Variants in EXOC4 observed in about 807,000 individuals in gnomAD.
The protein encoded by EXOC4 is SEC8-like 1.
Under a neutral mutation model 107.2 loss-of-function variants are expected in EXOC4, and 71 were observed. That is an observed-to-expected ratio of 0.66 (90% confidence interval 0.55 to 0.81). EXOC4 has a LOEUF of 0.81. EXOC4 is among the 30% of genes least tolerant of loss of function. EXOC4 has a pLI of 0.00. For missense variants in EXOC4, 1,108 were observed against 1,189.6 expected, an observed-to-expected ratio of 0.93 and a Z score of 1.01; for synonymous variants, 456 against 441.2, an observed-to-expected ratio of 1.03 and a Z score of -0.42.
chr7:133,782,807 A>T (rs1277132003), intron 10 of EXOC4, among the ~76,000 whole-genome samples: 1 of 152,150 alleles, frequency 6.6e-6, no homozygotes, highest in Non-Finnish European at 1.5e-5. Context: ...GCAAAGGCGA[A>T]TGGTATTGTG....
intron 12 of EXOC4, among the ~76,000 whole-genome samples, chr7:133,900,951 C>T (rs918477584): frequency 5.9e-5 from 9 of 152,148 alleles, no homozygotes; most frequent in African/African-American, 2.2e-4. Flanking sequence ...CTCACTGCAG[C>T]CTCCGCCTCC....
At chr7:133,892,792 A>G (rs886886856) in intron 11 of EXOC4, among the ~76,000 whole-genome samples, 11 of 143,250 alleles carry the variant, frequency 7.7e-5, no homozygotes, top group African/African-American at 2.8e-4. Flanking sequence ...TCTGAGAGAT[A>G]GTTTGTTATA....
At chr7:133,375,204 A>G (rs1351296615) in intron 7 of EXOC4, among the ~76,000 whole-genome samples, 1 of 152,246 alleles carries the variant, frequency 6.6e-6, no homozygotes, top group Admixed American at 6.5e-5. Flanking sequence ...GGCTGTGTGC[A>G]GTGGCTCATT....
intron 9 of EXOC4, among the ~76,000 whole-genome samples, chr7:133,567,944 G>T (rs1800940015): frequency 6.6e-6 from 1 of 152,134 alleles, no homozygotes; most frequent in Non-Finnish European, 1.5e-5. Flanking sequence ...GAGTTATGGT[G>T]CAGATGTTCA....
chr7:133,915,296 T>C (rs936536651), intron 12 of EXOC4, among the ~76,000 whole-genome samples: 2 of 152,008 alleles, frequency 1.3e-5, no homozygotes, highest in Non-Finnish European at 2.9e-5. Context: ...TTAGGGAATA[T>C]ATAGTGGAAA....
Position 134,007,749 on chromosome 7 carries a change from C to T in EXOC4, c.2601C>T (p.Ile867=). 6.2e-7 allele frequency: 1 copy of T among 1,613,580 alleles called. No individual in the cohort carries two copies. Among genetic ancestry groups the T allele is most frequent in the Non-Finnish European group, 8.5e-7 (1 of 1,179,746 alleles). Residue 867 remains isoleucine, a synonymous_variant, in exon 17 of 18, where the codon ATC becomes ATT. Transcript: ENST00000253861. ...TCAGGCGCATCAGTGAGTCTGGCAT[C>T]AAGAAAATGTGTAGGAACATTTTTG... ...QYFRRISESG[I]KKMCRNIFVL... is the part of the protein sequence containing the mutation.
At chr7:134,071,267 A>G (rs1796269998), downstream of EXOC4, among the ~76,000 whole-genome samples, 1 of 152,234 alleles carries the variant, frequency 6.6e-6, no homozygotes, top group Non-Finnish European at 1.5e-5. Flanking sequence ...CCAACACCAG[A>G]GTTCATTCTG....
Position 133,274,975 on chromosome 7 carries a change from T to C in EXOC4, c.87-7T>C. On this transcript the variant is annotated splice_region_variant and splice_polypyrimidine_tract_variant and intron_variant, in intron 1 of 17. Transcript: ENST00000253861. Reference sequence around the variant, plus strand: ...ACTTAGCTTGATATACTCTCTGCCTTCACCAGGACTCTGTCTACTAGTGAC... The same window carrying C: ...ACTTAGCTTGATATACTCTCTGCCTCCACCAGGACTCTGTCTACTAGTGAC... 3.2e-6 allele frequency: 5 copies of C among 1,580,450 alleles called. No individual in the cohort carries two copies. Among genetic ancestry groups the C allele is most frequent in the Non-Finnish European group, 4.3e-6 (5 of 1,163,982 alleles).
chr7:133,707,768 AC>A (rs2151093203), intron 10 of EXOC4, among the ~76,000 whole-genome samples: 1 of 152,200 alleles, frequency 6.6e-6, no homozygotes, highest in East Asian at 1.9e-4. Context: ...GGCGCACGCC[AC>A]CACGCCTGGC....
At chr7:133,441,386 A>G (rs1315952745) in intron 7 of EXOC4, among the ~76,000 whole-genome samples, 2 of 152,004 alleles carry the variant, frequency 1.3e-5, no homozygotes, top group Non-Finnish European at 2.9e-5. Context: ...AAGGGTTTCT[A>G]ATTGTCTTTT....
intron 7 of EXOC4, among the ~76,000 whole-genome samples, chr7:133,403,175 G>T (rs1029014366): frequency 1.3e-5 from 2 of 152,144 alleles, no homozygotes; most frequent in Admixed American, 6.5e-5. Flanking sequence ...GAGCCATCGT[G>T]CCCGGCTGCA....
chr7:133,630,375 G>T (rs1429443269), intron 10 of EXOC4, among the ~76,000 whole-genome samples: 3 of 151,560 alleles, frequency 2.0e-5, no homozygotes, highest in South Asian at 2.1e-4. Flanking sequence ...TTTCACACTC[G>T]CTACCTCTGT....
At position 134,027,861 on chromosome 7, in the gene EXOC4, G is replaced by A. The variant is rs116539874; in HGVS notation, c.2687+20026G>A. Among the ~76,000 whole-genome samples, 434 of 152,250 alleles carry A rather than the reference G, an allele frequency of 2.9e-3. 1 individual carries two copies. The highest frequency in any genetic ancestry group is 9.9e-3 in the African/African-American group (411 of 41,548). ...AGAGATGGTATCTTCTAGCCCCTTC[G>A]TTTATCAGGCTGGAGACTTGCTCTG... is the stretch of plus-strand genomic sequence containing the variant. On this transcript the variant is annotated intron_variant, in intron 17 of 17. Transcript: ENST00000253861.
chr7:134,004,662 C>G (rs1337717488), intron 15 of EXOC4, among the ~76,000 whole-genome samples: 1 of 152,102 alleles, frequency 6.6e-6, no homozygotes, highest in East Asian at 1.9e-4. Context: ...TATAGAATAA[C>G]TAAGATGGCT....
downstream of EXOC4, among the ~76,000 whole-genome samples, chr7:134,071,541 G>A (rs141701276): frequency 9.8e-3 from 1,490 of 152,314 alleles, 55 homozygotes; most frequent in Admixed American, 0.07. Flanking sequence ...GTCAGCAAGA[G>A]TCTGAGGGAG....
intron 9 of EXOC4, among the ~76,000 whole-genome samples, chr7:133,589,170 C>T (rs1348554022): frequency 1.3e-5 from 2 of 152,124 alleles, no homozygotes; most frequent in Non-Finnish European, 1.5e-5. Flanking sequence ...CGTGTCAGTG[C>T]CATCTTTTTT....
rs193108782 is a variant in EXOC4 at position 133,990,805 on chromosome 7, A to C, written c.2207-6687A>C. Among the ~76,000 whole-genome samples the C allele has an allele frequency of 2.6e-5, 4 of 152,218 alleles. 1 individual carries two copies. The highest frequency in any genetic ancestry group is 2.6e-4 in the Admixed American group (4 of 15,282). ...TAATATTCCATTGTGTATATCTACC[A>C]CATTTTCTTCCACCATTCATGAATT... On this transcript the variant is annotated intron_variant, in intron 14 of 17. Coordinates refer to ENST00000253861, the MANE Select transcript of EXOC4 (RefSeq NM_021807.4).
intron 17 of EXOC4, among the ~76,000 whole-genome samples, chr7:134,033,444 G>A (rs913434727): frequency 6.6e-6 from 1 of 152,082 alleles, no homozygotes; most frequent in Non-Finnish European, 1.5e-5. Flanking sequence ...CATCCCACCT[G>A]CTCATCCTAA....
At chr7:133,520,708 C>T (rs140754513) in intron 9 of EXOC4, among the ~76,000 whole-genome samples, 1 of 152,172 alleles carries the variant, frequency 6.6e-6, no homozygotes, top group East Asian at 1.9e-4. Context: ...TTCCTCCTTC[C>T]AGTTGCTGAA....
Sources: allele counts gnomAD v4.1 joint callset (sites outside exome capture counted in the v4.1 genomes callset), GRCh38; gene constraint gnomAD v4.1.1; transcripts MANE v1.5; gene names NCBI Gene and HGNC (gene_info 2026-07-23, HGNC 2026-07-21).